The following SYCP1 variants were observed in gnomAD, a reference collection of about 807,000 sequenced individuals.
SYCP1 encodes cancer/testis antigen 8.
Under a neutral mutation model 153.1 loss-of-function variants are expected in SYCP1, and 64 were observed. The ratio of observed to expected loss-of-function variants is 0.42; its 90% CI spans 0.34 to 0.51. The LOEUF (loss-of-function observed/expected upper bound fraction) is 0.51, where lower values mean the gene tolerates loss of function less well. Among genes scored for constraint, SYCP1 ranks in the 20% least tolerant of loss-of-function variants. The probability of loss-of-function intolerance (pLI) is 0.06; values close to 1 mark genes in which losing one functional copy is unlikely to be tolerated. For synonymous variants in SYCP1, 384 were observed against 341.8 expected, an observed-to-expected ratio of 1.12 and a Z score of -1.36; for missense variants, 997 against 1,049.0, an observed-to-expected ratio of 0.95 and a Z score of 0.68.
chr1:114,958,511 A>G (rs1019406947), intron 27 of SYCP1, among the ~76,000 whole-genome samples: 3 of 152,280 alleles, frequency 2.0e-5, no homozygotes, highest in Admixed American at 6.5e-5. Flanking sequence ...GATTTTGATT[A>G]TTATGTATCA....
chr1:114,903,630 A>T (rs774296688), intron 16 of SYCP1, among the ~76,000 whole-genome samples: 7 of 152,152 alleles, frequency 4.6e-5, no homozygotes, highest in Non-Finnish European at 8.8e-5. Flanking sequence ...GGGATGGGAC[A>T]CTCCAGATGA....
chr1:114,994,782 A>C lies in SYCP1; in HGVS notation c.2788A>C (p.Lys930Gln), dbSNP rs556075906. 31 of 1,588,636 alleles carry C rather than the reference A, an allele frequency of 2.0e-5. No homozygotes were observed. Among genetic ancestry groups the C allele is most frequent in the Non-Finnish European group, 2.6e-5 (30 of 1,172,200 alleles). The change falls in exon 31 of 32, where the codon AAA becomes CAA. Residue 930 changes from lysine (K) to glutamine (Q), a missense_variant. Around this residue, in one of 2 missense-constraint regions of SYCP1, gnomAD observed 712 missense variants for 682.9 expected, o/e 1.04. Transcript: ENST00000369522. ...PASHLCVKTP[K>Q]KAPSSLTTPG... ...TTCTCATCTTTGTGTCAAAACACCA[A>C]AAAAGGTAGCTTTTAAATTTTATTT...
intron 28 of SYCP1, 31 bp downstream of exon 28, chr1:114,977,647 A>C (rs1451296186): frequency 3.8e-6 from 5 of 1,331,794 alleles, no homozygotes; most frequent in African/African-American, 3.0e-5. Flanking sequence ...TAGTTTTAAA[A>C]TACCAATTCA....
chr1:114,893,313 G>T (rs1036003550), intron 15 of SYCP1, among the ~76,000 whole-genome samples: 1 of 151,510 alleles, frequency 6.6e-6, no homozygotes, highest in African/African-American at 2.4e-5. Context: ...ATCTGTATCT[G>T]TATCTCTATC....
At chr1:114,933,149 A>G (rs1239553309) in intron 23 of SYCP1, among the ~76,000 whole-genome samples, 1 of 152,192 alleles carries the variant, frequency 6.6e-6, no homozygotes, top group African/African-American at 2.4e-5. Flanking sequence ...ACCTCCCAGT[A>G]GGGGCAGACT....
At chr1:114,937,584 A>G (rs1404216306) in intron 23 of SYCP1, among the ~76,000 whole-genome samples, 1 of 152,196 alleles carries the variant, frequency 6.6e-6, no homozygotes, top group Non-Finnish European at 1.5e-5. Flanking sequence ...ACAGCAAAAG[A>G]AACTACCATC....
At chr1:114,923,405 C>A in intron 20 of SYCP1, 44 bp from the exon 21 acceptor site, 1 of 1,505,440 alleles carries the variant, frequency 6.6e-7, no homozygotes, top group Non-Finnish European at 9.0e-7. Flanking sequence ...CTTCTATAGG[C>A]CTAATAATTT....
chr1:114,886,451 G>A (rs987857630), intron 14 of SYCP1, 142 bp downstream of exon 14: 1 of 639,122 alleles, frequency 1.6e-6, no homozygotes, highest in Non-Finnish European at 2.3e-6. Context: ...GTATAAAGTG[G>A]GAATACATTT....
At chr1:114,887,122 T>TAGGTCA (rs1666367905) in intron 14 of SYCP1, among the ~76,000 whole-genome samples, 2 of 152,192 alleles carry the variant, frequency 1.3e-5, no homozygotes, top group African/African-American at 4.8e-5. Context: ...CCCTAATTTA[T>TAGGTCA]ATATTTTTGA....
intron 15 of SYCP1, among the ~76,000 whole-genome samples, chr1:114,888,789 T>C (rs1666490403): frequency 6.6e-6 from 1 of 152,068 alleles, no homozygotes; most frequent in Non-Finnish European, 1.5e-5. Context: ...TGTGCCACAT[T>C]GGTTTGCTGC....
At chr1:114,954,644 G>A (rs1374006167) in intron 27 of SYCP1, among the ~76,000 whole-genome samples, 1 of 151,762 alleles carries the variant, frequency 6.6e-6, no homozygotes, top group African/African-American at 2.4e-5. Flanking sequence ...GCAGTGGCGT[G>A]ATCTCGGCTC....
At chr1:114,902,777 GAT>G in intron 16 of SYCP1, among the ~76,000 whole-genome samples, 2 of 142,608 alleles carry the variant, frequency 1.4e-5, no homozygotes, top group African/African-American at 6.2e-5. Flanking sequence ...CTAAACTCTT[GAT>G]GCCTCAGTTT....
At position 114,994,766 on chromosome 1, in the gene SYCP1, T is replaced by G; in HGVS notation, c.2772T>G (p.Leu924=). 6.3e-7 allele frequency: 1 copy of G among 1,593,438 alleles called. No individual in the cohort carries two copies. The highest frequency in any genetic ancestry group is 8.5e-7 in the Non-Finnish European group (1 of 1,173,428). ...ACAATAATCCACCAGCTTCTCATCT[T>G]TGTGTCAAAACACCAAAAAAGGTAG... ...YRNNNPPASH[L]CVKTPKKAPS... is the part of the protein sequence containing the mutation. The change falls in exon 31 of 32, where the codon CTT becomes CTG. Residue 924 remains leucine, a synonymous_variant. Transcript: ENST00000369522.
intron 27 of SYCP1, among the ~76,000 whole-genome samples, chr1:114,959,707 C>T (rs1006443935): frequency 1.3e-5 from 2 of 152,000 alleles, no homozygotes; most frequent in African/African-American, 4.8e-5. Flanking sequence ...TAACCATTCT[C>T]CTTTCCCCAC....
chr1:114,975,699 C>A (rs957933373), intron 27 of SYCP1, among the ~76,000 whole-genome samples: 1 of 151,842 alleles, frequency 6.6e-6, no homozygotes, highest in Non-Finnish European at 1.5e-5. Flanking sequence ...ACTGTCTTAA[C>A]TTCTAATTAA....
At chr1:114,879,116 C>A (rs1044723617) in intron 12 of SYCP1, among the ~76,000 whole-genome samples, 30 of 152,002 alleles carry the variant, frequency 2.0e-4, no homozygotes, top group Non-Finnish European at 2.9e-4. Context: ...GATTTGGATC[C>A]CTTTATGAAG....
chr1:114,855,401 A>G (rs1570634941), intron 1 of SYCP1, 40 bp from the exon 2 acceptor site: 1 of 1,301,816 alleles, frequency 7.7e-7, no homozygotes, highest in East Asian at 2.5e-5. Context: ...ACTCGGTGAA[A>G]AAAAACTTTC....
At chr1:114,979,774 A>G (rs998768757) in intron 28 of SYCP1, among the ~76,000 whole-genome samples, 1 of 151,848 alleles carries the variant, frequency 6.6e-6, no homozygotes. Context: ...CATCTCATTT[A>G]GCCTCTTGAT....
intron 29 of SYCP1, among the ~76,000 whole-genome samples, chr1:114,983,129 C>T (rs1673274189): frequency 6.6e-6 from 1 of 151,910 alleles, no homozygotes. Context: ...CTTAGCTTTC[C>T]ATTCCTGCTT....
Sources: gnomAD v4.1 joint callset for allele counts (sites outside exome capture counted in the v4.1 genomes callset) on GRCh38, gnomAD v4.1.1 for gene constraint, gnomAD v4.1.1 regional missense constraint, MANE v1.5 for transcripts, NCBI Gene and HGNC (gene_info 2026-07-23, HGNC 2026-07-21) for gene names.